CC2D1B: variants seen among roughly 807,000 people sequenced by gnomAD.
The protein encoded by CC2D1B is coiled-coil and C2 domain containing 1B, also known as coiled-coil and C2 domain-containing protein 1B.
Under a neutral mutation model 110.8 loss-of-function variants are expected in CC2D1B, and 92 were observed. That is an observed-to-expected ratio of 0.83 (90% CI 0.70 to 0.99). CC2D1B has a LOEUF of 0.99. CC2D1B is among the 50% of genes least tolerant of loss of function. The probability of loss-of-function intolerance (pLI) is 0.00; values close to 1 mark genes in which losing one functional copy is unlikely to be tolerated. For synonymous variants in CC2D1B, 406 were observed against 429.2 expected (o/e 0.95, Z 0.67); for missense variants, 1,136 against 1,089.0 (o/e 1.04, Z -0.61).
chr1:52,355,944 G>A (rs1231977798), intron 18 of CC2D1B, 100 bp from the exon 19 acceptor site: 2 of 1,250,826 alleles, frequency 1.6e-6, no homozygotes, highest in Admixed American at 1.7e-5. Flanking sequence ...GGTGGTGACG[G>A]GAGGGAAGGC....
chr1:52,356,611 C>T (rs986785320), intron 16 of CC2D1B, 169 bp from the exon 17 acceptor site: 4 of 682,880 alleles, frequency 5.9e-6, no homozygotes, highest in Non-Finnish European at 9.9e-6. Context: ...GTTTCTCTGC[C>T]TACACTTTTG....
At chr1:52,364,461 G>A in intron 2 of CC2D1B, 91 bp downstream of exon 2, 1 of 742,968 alleles carries the variant, frequency 1.3e-6, no homozygotes, top group South Asian at 2.1e-5. Flanking sequence ...CTGAACTAAT[G>A]GGGGAACTAC....
At chr1:52,353,429 C>G (rs1306975399) in intron 24 of CC2D1B, 89 bp downstream of exon 24, 7 of 1,527,748 alleles carry the variant, frequency 4.6e-6, no homozygotes, top group Non-Finnish European at 6.1e-6. Flanking sequence ...AGATGAGAAA[C>G]TCCTAGGTTT....
At position 52,357,034 on chromosome 1, in the gene CC2D1B, G is replaced by A; in HGVS notation, c.1845C>T (p.Ala615=). ...GCTCCAGAAGCATTTTTTGCAGCTG[G>A]GCATACACCTCCTCCGCCTTCTGGG... ...RLSQKAEEVY[A]QLQKMLLEQQ... The change falls in exon 16 of 25, where the codon GCC becomes GCT. Residue 615 remains alanine (A), a synonymous_variant. Transcript: ENST00000284376. The A allele has an allele frequency of 6.3e-7, 1 of 1,580,062 alleles. No individual in the cohort carries two copies. Among genetic ancestry groups the A allele is most frequent in the Non-Finnish European group, 8.6e-7 (1 of 1,162,490 alleles).
Position 52,351,689 on chromosome 1 carries a change from G to A in CC2D1B, c.*1536C>T, listed in dbSNP as rs1170446170. ...TCATGAGGTCAGGAGTTCGAGACCA[G>A]CCTGACCAACATGGTGAAACACCGT... On this transcript the variant is annotated 3_prime_UTR_variant, in exon 25 of 25. Transcript: ENST00000284376. 3 of 152,112 alleles carry A rather than the reference G, an allele frequency of 2.0e-5. No individual in the cohort carries two copies. Among genetic ancestry groups the A allele is most frequent in the African/African-American group, 7.2e-5 (3 of 41,488 alleles). 9.4% of individuals were successfully genotyped at this position (152,112 alleles called of 1,614,324 possible).
At chr1:52,353,745 A>G (rs1646579061) in intron 23 of CC2D1B, 98 bp from the exon 24 acceptor site, 2 of 858,632 alleles carry the variant, frequency 2.3e-6, no homozygotes, top group African/African-American at 3.4e-5. Flanking sequence ...AGGAGCTAAG[A>G]TGTCCTGTGG....
chr1:52,355,773 G>A lies in CC2D1B; in HGVS notation c.2126C>T (p.Pro709Leu). The A allele has an allele frequency of 2.5e-6, 4 of 1,614,110 alleles. No homozygotes were observed. The highest frequency in any genetic ancestry group is 3.4e-6 in the Non-Finnish European group (4 of 1,179,976). ...AGTAGGGGCGGCCCTAGGGTTACCTGGAGGGGCTGGGAGGTTCATTCCCCG... is the reference window on the plus strand; with the variant it reads ...AGTAGGGGCGGCCCTAGGGTTACCTAGAGGGGCTGGGAGGTTCATTCCCCG... ...IVRGMNLPAPPGVTPDDLDAF... is the reference protein window; with the variant it reads ...IVRGMNLPAPLGVTPDDLDAF... Residue 709 changes from proline (P) to leucine (L), a missense_variant and splice_region_variant, in exon 19 of 25, where the codon CCA becomes CTA. Physicochemically the swap from Pro to Leu is moderately conservative, Grantham distance 98 (BLOSUM62 -3). Transcript: ENST00000284376.
At position 52,361,582 on chromosome 1, in the gene CC2D1B, C is replaced by A. The variant is rs547520703; in HGVS notation, c.249G>T (p.Ala83=). 1 of 1,613,892 alleles carries A rather than the reference C, an allele frequency of 6.2e-7. No individual in the cohort carries two copies. The highest frequency in any genetic ancestry group is 8.5e-7 in the Non-Finnish European group (1 of 1,180,022). ...CCTCCACATCCCGCATACAGTCTGC[C>A]GCCAACTTCTCGATGTGGGCCATGG... ...PLPMAHIEKL[A]ADCMRDVEEE... is the part of the protein sequence containing the mutation. Residue 83 remains alanine (A), a synonymous_variant, in exon 4 of 25, where the codon GCG becomes GCT. Transcript: ENST00000284376.
At chr1:52,355,086 G>A in intron 21 of CC2D1B, 147 bp from the exon 22 acceptor site, 1 of 684,392 alleles carries the variant, frequency 1.5e-6, no homozygotes, top group Non-Finnish European at 2.6e-6. Flanking sequence ...GAGCATCGCG[G>A]TCCTGGCCTT....
intron 10 of CC2D1B, 42 bp downstream of exon 10, chr1:52,359,208 G>A: frequency 6.2e-7 from 1 of 1,610,552 alleles, no homozygotes; most frequent in Non-Finnish European, 8.5e-7. Context: ...GCCCTCCAAT[G>A]CCTGCAGGTC....
chr1:52,359,942 C>T (rs574578384), intron 7 of CC2D1B, 59 bp from the exon 8 acceptor site: 109 of 1,572,166 alleles, frequency 6.9e-5, no homozygotes, highest in Admixed American at 2.5e-4. Context: ...AAGGTGCCCA[C>T]GGACTTCACT....
rs200461520 is a variant in CC2D1B at position 52,359,742 on chromosome 1, T to C, written c.905A>G (p.Glu302Gly). 1.2e-5 allele frequency: 20 copies of C among 1,609,464 alleles called. No homozygotes were observed. In the Admixed American group the frequency reaches 2.4e-4, roughly 19 times the overall value. The change falls in exon 8 of 25, where the codon GAG (glutamate) becomes GGG (glycine). Residue 302 changes from glutamate (E) to glycine (G), a missense_variant. Glu to Gly is a moderately conservative substitution (Grantham distance 98). Coordinates refer to ENST00000284376, the MANE Select transcript of CC2D1B (RefSeq NM_001330585.2). ...VAALSAKRAG[E>G]LDRARELMRI... ...CATGAGCTCTCGGGCACGGTCTAGC[T>C]CTCCAGCCCGCTTGGCACTGAGGGC... is the stretch of plus-strand genomic sequence containing the variant.
In CC2D1B at chr1:52,358,733, T is replaced by G. The variant is rs746368527; in HGVS notation, c.1283A>C (p.His428Pro). 9 of 1,612,328 alleles carry G rather than the reference T, an allele frequency of 5.6e-6. No individual in the cohort carries two copies. Among genetic ancestry groups the G allele is most frequent in the South Asian group, 1.1e-5 (1 of 90,878 alleles). Reference sequence around the variant, plus strand: ...AAAGTTGACTTTCCGTCCTGCTCGGTGTGCTCGAATAGCATCTTGATATTG... The same window carrying G: ...AAAGTTGACTTTCCGTCCTGCTCGGGGTGCTCGAATAGCATCTTGATATTG... ...AKQYQDAIRA[H>P]RAGRKVNFAE... Residue 428 changes from histidine to proline, a missense_variant, in exon 12 of 25, where the codon CAC becomes CCC. Transcript: ENST00000284376.
At position 52,360,061 on chromosome 1, in the gene CC2D1B, C is replaced by CAG; in HGVS notation, c.763+12_763+13insCT. On this transcript the variant is annotated intron_variant, in intron 7 of 24. Coordinates refer to ENST00000284376, the MANE Select transcript of CC2D1B (RefSeq NM_001330585.2). Reference sequence around the variant, plus strand: ...CCCAGGAACTAGAACAGGATTTGGGCATCTGCAGATACCTGACTCCAAGGC... The same window carrying CAG: ...CCCAGGAACTAGAACAGGATTTGGGCAGATCTGCAGATACCTGACTCCAAGGC... The CAG allele has an allele frequency of 6.4e-7, 1 of 1,564,246 alleles. No homozygotes were observed. The highest frequency in any genetic ancestry group is 8.7e-7 in the Non-Finnish European group (1 of 1,155,886).
intron 23 of CC2D1B, 112 bp from the exon 24 acceptor site, chr1:52,353,759 G>A (rs1255512260): frequency 2.8e-6 from 2 of 721,238 alleles, no homozygotes; most frequent in East Asian, 5.6e-5. Context: ...CCTGTGGCAT[G>A]AACACAGGAA....
Position 52,361,540 on chromosome 1 carries a change from TTCCTCC to T in CC2D1B, c.285_290del (p.Glu96_Glu97del), listed in dbSNP as rs374206070. ...GCAGCTCTGCATCTTCCTCCAGCCC[TTCCTCC>T]TCCTCCTCCTCCTCCACATCCCGCA... On this transcript the variant is annotated inframe_deletion, in exon 4 of 25. Transcript: ENST00000284376. 12,125 of 1,608,876 alleles carry T rather than the reference TTCCTCC, an allele frequency of 7.5e-3. 75 individuals carry two copies. The highest frequency in any genetic ancestry group is 0.013 in the Middle Eastern group (79 of 6,042).
chr1:52,366,173 G>A lies in CC2D1B; in HGVS notation c.-119C>T, dbSNP rs536092136. 8 of 152,442 alleles carry A rather than the reference G, an allele frequency of 5.2e-5. No individual in the cohort carries two copies. The highest frequency in any genetic ancestry group is 1.0e-4 in the Non-Finnish European group (7 of 68,114). 9.4% of individuals were successfully genotyped at this position (152,442 alleles called of 1,614,324 possible). A position where few individuals can be genotyped will look rare whatever the true frequency, so the allele number is the denominator to read the frequency against. ...GGTAGCGACAGGAAGCGCCAGCAGG[G>A]GAGGTGGCTCGCGCGCAACACGTGA... On this transcript the variant is annotated 5_prime_UTR_variant, in exon 1 of 25. Coordinates refer to ENST00000284376, the MANE Select transcript of CC2D1B (RefSeq NM_001330585.2).
rs369223742 is a variant in CC2D1B, at chr1:52,359,793, G to A, written c.854C>T (p.Ser285Phe). Reference protein sequence around the residue: ...LDPDPRALLSSRQREYKVAAL... With the variant: ...LDPDPRALLSFRQREYKVAAL... The stretch of plus-strand genomic sequence containing the variant: ...AGCCACTTTGTACTCTCTCTGTCGG[G>A]ATGACAGCAGGGCCCGCGGGTCTGG... Residue 285 changes from serine (S) to phenylalanine (F), a missense_variant, in exon 8 of 25, where the codon TCC (serine) becomes TTC (phenylalanine). Transcript: ENST00000284376. 1.2e-6 allele frequency: 2 copies of A among 1,611,346 alleles called. No homozygotes were observed. The highest frequency in any genetic ancestry group is 1.7e-6 in the Non-Finnish European group (2 of 1,178,894).
At chr1:52,361,168 C>A in intron 4 of CC2D1B, 36 bp from the exon 5 acceptor site, 1 of 1,612,124 alleles carries the variant, frequency 6.2e-7, no homozygotes, top group South Asian at 1.1e-5. Context: ...AGCTTGGGGG[C>A]CTCAAGACCA....
Sources: gnomAD v4.1 joint callset for allele counts on GRCh38, gnomAD v4.1.1 for gene constraint, MANE v1.5 for transcripts, NCBI Gene and HGNC (gene_info 2026-07-23, HGNC 2026-07-21) for gene names.